The following HOXD13 variants were observed in gnomAD, a reference collection of about 807,000 sequenced individuals.
HOXD13 encodes homeobox protein Hox-D13.
Under a neutral mutation model 27.3 loss-of-function variants are expected in HOXD13, and 16 were observed. That is an observed-to-expected ratio of 0.59 (90% CI 0.40 to 0.89). HOXD13 has a LOEUF of 0.89. HOXD13 is among the 40% of genes least tolerant of loss of function. The probability of loss-of-function intolerance (pLI) is 0.00; values close to 1 mark genes in which losing one functional copy is unlikely to be tolerated. For synonymous variants in HOXD13, 241 were observed against 219.0 expected, an observed-to-expected ratio of 1.10 and a Z score of -0.89; for missense variants, 481 against 482.6, an observed-to-expected ratio of 1.00 and a Z score of 0.03.
At chr2:176,088,755 T>G (rs531769125), upstream of HOXD13, among the ~76,000 whole-genome samples, 1 of 152,276 alleles carries the variant, frequency 6.6e-6, no homozygotes, top group East Asian at 1.9e-4. Flanking sequence ...GGAAGTGTAT[T>G]CCAAGGACAA....
At chr2:176,094,385 GCACACACACACACACA>G (rs10649769) in intron 1 of HOXD13, 79 bp from the exon 2 acceptor site, 14 of 1,202,122 alleles carry the variant, frequency 1.2e-5, no homozygotes, top group Admixed American at 3.8e-5. Flanking sequence ...CCCTGCAAAC[GCACACACACACACACA>G]CACACACACA....
chr2:176,092,898 G>A lies in HOXD13; in HGVS notation c.8G>A (p.Arg3His). 10 of 1,279,444 alleles carry A rather than the reference G, an allele frequency of 7.8e-6. 1 individual carries two copies. Among genetic ancestry groups the A allele is most frequent in the Non-Finnish European group, 8.8e-6 (9 of 1,017,628 alleles). The allele number at this position is 1,279,444 out of a possible 1,614,324, so 79.3% of individuals were successfully genotyped here. A position where few individuals can be genotyped will look rare whatever the true frequency, so the allele number is the denominator to read the frequency against. ...GCCGGGCCAGGCCGGGCCATGAGCCGCGCCGGGAGCTGGGACATGGACGGG... is the reference window on the plus strand; with the variant it reads ...GCCGGGCCAGGCCGGGCCATGAGCCACGCCGGGAGCTGGGACATGGACGGG... MSRAGSWDMDGLR... is the reference protein window; with the variant it reads MSHAGSWDMDGLR... The change falls in exon 1 of 2, where the codon CGC (arginine) becomes CAC (histidine). Residue 3 changes from arginine (R) to histidine (H), a missense_variant. Arg to His is a conservative substitution (Grantham distance 29, BLOSUM62 0). Coordinates refer to ENST00000392539, the MANE Select transcript of HOXD13 (RefSeq NM_000523.4).
chr2:176,088,320 C>CT (rs1689272240), upstream of HOXD13, among the ~76,000 whole-genome samples: 1 of 152,260 alleles, frequency 6.6e-6, no homozygotes, highest in Non-Finnish European at 1.5e-5. Flanking sequence ...TTGCTTCTGT[C>CT]TTTCCTCCTC....
Position 176,095,433 on chromosome 2 carries a change from A to G in HOXD13, c.*703A>G, listed in dbSNP as rs137896965. On this transcript the variant is annotated 3_prime_UTR_variant, in exon 2 of 2. Coordinates refer to ENST00000392539, the MANE Select transcript of HOXD13 (RefSeq NM_000523.4). ...TAGGTTTGTGTTTTCATAATCTTTA[A>G]TTTGAAACTCATGTGTCCTCATGGA... is the stretch of plus-strand genomic sequence containing the variant. 1.2e-4 allele frequency: 28 copies of G among 229,824 alleles called. No homozygotes were observed. The highest frequency in any genetic ancestry group is 2.7e-3 in the Middle Eastern group (2 of 754). 14.2% of individuals were successfully genotyped at this position (229,824 alleles called of 1,614,324 possible). A position where few individuals can be genotyped will look rare whatever the true frequency, so the allele number is the denominator to read the frequency against.
At chr2:176,088,008 G>A (rs1284401948), upstream of HOXD13, among the ~76,000 whole-genome samples, 1 of 152,276 alleles carries the variant, frequency 6.6e-6, no homozygotes, top group Non-Finnish European at 1.5e-5. Flanking sequence ...AGCCGTAGCT[G>A]CAGCGAAGCC....
Position 176,094,726 on chromosome 2 carries a change from C to G in HOXD13, c.1028C>G (p.Ser343Cys). Reference protein sequence around the residue: ...KIVSKLKDTVS With the variant: ...KIVSKLKDTVC ...GTCTCCAAGCTCAAAGATACTGTCT[C>G]CTGATGTGGTCCAGGTTGGCCACAG... is the stretch of plus-strand genomic sequence containing the variant. The change falls in exon 2 of 2, where the codon TCC (serine) becomes TGC (cysteine). Residue 343 changes from serine to cysteine, a missense_variant. Coordinates refer to ENST00000392539, the MANE Select transcript of HOXD13 (RefSeq NM_000523.4). 1 of 1,614,032 alleles carries G rather than the reference C, an allele frequency of 6.2e-7. No homozygotes were observed. The highest frequency in any genetic ancestry group is 8.5e-7 in the Non-Finnish European group (1 of 1,179,936).
chr2:176,088,652 C>T (rs1004687551), upstream of HOXD13, among the ~76,000 whole-genome samples: 4 of 152,116 alleles, frequency 2.6e-5, no homozygotes, highest in Non-Finnish European at 5.9e-5. Flanking sequence ...ATGGACTCTG[C>T]GGAATGGAGA....
upstream of HOXD13, among the ~76,000 whole-genome samples, chr2:176,090,947 T>C (rs1182073171): frequency 6.6e-6 from 1 of 152,212 alleles, no homozygotes; most frequent in Non-Finnish European, 1.5e-5. Context: ...AAAAAAATTT[T>C]CTCATCAGCA....
In HOXD13 at chr2:176,094,636, C is replaced by G. The variant is rs1432063993; in HGVS notation, c.938C>G (p.Thr313Arg). ...AAGCGGCGGCGTATCTCGGCTGCTA[C>G]GAACCTATCTGAGAGACAAGTGACC... ...KDKRRRISAA[T>R]NLSERQVTIW... The change falls in exon 2 of 2, where the codon ACG (threonine) becomes AGG (arginine). Residue 313 changes from threonine to arginine, a missense_variant. Coordinates refer to ENST00000392539, the MANE Select transcript of HOXD13 (RefSeq NM_000523.4). 6.2e-7 allele frequency: 1 copy of G among 1,613,880 alleles called. No homozygotes were observed. Among genetic ancestry groups the G allele is most frequent in the Non-Finnish European group, 8.5e-7 (1 of 1,179,792 alleles).
At chr2:176,091,085 T>C (rs961064793), upstream of HOXD13, among the ~76,000 whole-genome samples, 5 of 152,222 alleles carry the variant, frequency 3.3e-5, no homozygotes, top group Admixed American at 2.6e-4. Context: ...ACCCCTCTCA[T>C]AACTTTCCCC....
chr2:176,092,853 G>C lies in HOXD13; in HGVS notation c.-38G>C. On this transcript the variant is annotated 5_prime_UTR_variant, in exon 1 of 2. Coordinates refer to ENST00000392539, the MANE Select transcript of HOXD13 (RefSeq NM_000523.4). ...GCGCCGCGCCATGGTGTCCTGCGCG[G>C]GGCCAGGGCCAGGGCCGGGGCCGGG... 1 of 1,178,442 alleles carries C rather than the reference G, an allele frequency of 8.5e-7. No individual in the cohort carries two copies. The highest frequency in any genetic ancestry group is 1.1e-6 in the Non-Finnish European group (1 of 945,660). The allele number at this position is 1,178,442 out of a possible 1,614,324, so 73.0% of individuals were successfully genotyped here.
At chr2:176,092,516 G>A (rs1412772408), upstream of HOXD13, among the ~76,000 whole-genome samples, 2 of 150,826 alleles carry the variant, frequency 1.3e-5, no homozygotes, top group Non-Finnish European at 3.0e-5. Flanking sequence ...AGGGGCAGGA[G>A]AGGGGTGGGG....
At chr2:176,089,071 T>C (rs1241672041), upstream of HOXD13, among the ~76,000 whole-genome samples, 1 of 152,228 alleles carries the variant, frequency 6.6e-6, no homozygotes, top group Non-Finnish European at 1.5e-5. Flanking sequence ...TGCAAACGAT[T>C]TTCATTTGAT....
Position 176,094,647 on chromosome 2 carries a change from G to C in HOXD13, c.949G>C (p.Glu317Gln). The C allele has an allele frequency of 3.7e-6, 6 of 1,613,988 alleles. No individual in the cohort carries two copies. The highest frequency in any genetic ancestry group is 5.1e-6 in the Non-Finnish European group (6 of 1,179,840). ...TATCTCGGCTGCTACGAACCTATCT[G>C]AGAGACAAGTGACCATTTGGTTTCA... is the stretch of plus-strand genomic sequence containing the variant. ...RRISAATNLS[E>Q]RQVTIWFQNR... is the part of the protein sequence containing the mutation. The change falls in exon 2 of 2, where the codon GAG becomes CAG. Residue 317 changes from glutamate to glutamine, a missense_variant. Transcript: ENST00000392539.
chr2:176,093,892 C>A (rs189883109), intron 1 of HOXD13, among the ~76,000 whole-genome samples: 110 of 152,320 alleles, frequency 7.2e-4, no homozygotes, highest in Non-Finnish European at 1.5e-3. Context: ...TTCCTGTGTG[C>A]AGCGCAGACA....
At chr2:176,089,235 A>C (rs1032525110), upstream of HOXD13, among the ~76,000 whole-genome samples, 2 of 152,108 alleles carry the variant, frequency 1.3e-5, no homozygotes, top group African/African-American at 4.8e-5. Flanking sequence ...TTCTTTTGAT[A>C]TCTCCAGGCT....
rs1395373514 is a variant in HOXD13 at position 176,093,294 on chromosome 2, A to G, written c.404A>G (p.Tyr135Cys). 2 of 1,611,160 alleles carry G rather than the reference A, an allele frequency of 1.2e-6. No individual in the cohort carries two copies. The highest frequency in any genetic ancestry group is 1.7e-5 in the Admixed American group (1 of 59,968). ...LGYGYHFGNG[Y>C]YSCRMSHGVG... ...TACGGCTACCACTTCGGCAACGGCTACTACAGCTGCCGTATGTCGCACGGC... is the reference window on the plus strand; with the variant it reads ...TACGGCTACCACTTCGGCAACGGCTGCTACAGCTGCCGTATGTCGCACGGC... The change falls in exon 1 of 2, where the codon TAC becomes TGC. Residue 135 changes from tyrosine (Y) to cysteine (C), a missense_variant. By Grantham distance (194) the Tyr-to-Cys change is radical. Transcript: ENST00000392539.
In HOXD13 at chr2:176,093,711, G is replaced by A. The variant is rs1471754261; in HGVS notation, c.781+40G>A. ...GAAAAGGGACCGACACGAGGGAGGG[G>A]GAGAGAGAAGGAGAAAAGAAAGGAC... On this transcript the variant is annotated intron_variant, in intron 1 of 1. Coordinates refer to ENST00000392539, the MANE Select transcript of HOXD13 (RefSeq NM_000523.4). 8.3e-6 allele frequency: 11 copies of A among 1,322,426 alleles called. No individual in the cohort carries two copies. The East Asian group carries it at 2.1e-4, about 25-fold the overall frequency. 81.9% of individuals were successfully genotyped at this position (1,322,426 alleles called of 1,614,324 possible).
chr2:176,095,625 T>A lies in HOXD13; in HGVS notation c.*895T>A. ...TCCTCAAAAAGAGGCTGAATCAATGTGGCCGTGGGTGGGAACTTACATACA... is the reference window on the plus strand; with the variant it reads ...TCCTCAAAAAGAGGCTGAATCAATGAGGCCGTGGGTGGGAACTTACATACA... On this transcript the variant is annotated 3_prime_UTR_variant, in exon 2 of 2. Coordinates refer to ENST00000392539, the MANE Select transcript of HOXD13 (RefSeq NM_000523.4). 4.4e-6 allele frequency: 1 copy of A among 228,058 alleles called. No homozygotes were observed. The highest frequency in any genetic ancestry group is 6.3e-5 in the East Asian group (1 of 15,940). 14.1% of individuals were successfully genotyped at this position (228,058 alleles called of 1,614,324 possible).
Sources: gnomAD v4.1 joint callset for allele counts (sites outside exome capture counted in the v4.1 genomes callset) on GRCh38, gnomAD v4.1.1 for gene constraint, MANE v1.5 for transcripts, NCBI Gene and HGNC (gene_info 2026-07-23, HGNC 2026-07-21) for gene names.